GADL1: variants seen among roughly 807,000 people sequenced by gnomAD.
GADL1 encodes the protein acidic amino acid decarboxylase GADL1.
A neutral mutation model predicts 69.5 loss-of-function variants in GADL1; 71 were observed. That is an observed-to-expected ratio of 1.02 (90% CI 0.84 to 1.25). GADL1 has a LOEUF of 1.25. GADL1 is among the 50% of genes most tolerant of loss of function. The pLI is 0.00. For synonymous variants in GADL1, 254 were observed against 214.4 expected, an observed-to-expected ratio of 1.18 and a Z score of -1.62; for missense variants, 737 against 631.8, an observed-to-expected ratio of 1.17 and a Z score of -1.79.
chr3:30,753,933 G>T (rs1204386494), intron 14 of GADL1, among the ~76,000 whole-genome samples: 7 of 152,052 alleles, frequency 4.6e-5, no homozygotes, highest in African/African-American at 1.7e-4. Context: ...GGAAGCAATT[G>T]CCTAAAATGA....
intron 14 of GADL1, among the ~76,000 whole-genome samples, chr3:30,744,940 G>A (rs949752247): frequency 4.6e-5 from 7 of 152,154 alleles, no homozygotes; most frequent in African/African-American, 4.8e-5. Context: ...AGCGGCGAAC[G>A]AAATCTAAAT....
chr3:30,771,799 ATTAAT>A (rs1696425571), intron 14 of GADL1, among the ~76,000 whole-genome samples: 1 of 152,132 alleles, frequency 6.6e-6, no homozygotes, highest in Non-Finnish European at 1.5e-5. Flanking sequence ...ACAGCTTTCA[ATTAAT>A]TTGTGAACAT....
chr3:30,841,577 G>T (rs1234881438), intron 8 of GADL1, among the ~76,000 whole-genome samples: 1 of 152,152 alleles, frequency 6.6e-6, no homozygotes, highest in Non-Finnish European at 1.5e-5. Flanking sequence ...ATCCTGTCTT[G>T]CCTGTGCAGT....
intron 12 of GADL1, among the ~76,000 whole-genome samples, chr3:30,786,937 AAC>A (rs1489399317): frequency 1.3e-5 from 2 of 152,288 alleles, no homozygotes; most frequent in African/African-American, 4.8e-5. Context: ...TCAGCAAACT[AAC>A]ACAGAAACAG....
intron 14 of GADL1, among the ~76,000 whole-genome samples, chr3:30,768,976 C>T (rs1393962413): frequency 6.6e-6 from 1 of 152,122 alleles, no homozygotes; most frequent in East Asian, 1.9e-4. Flanking sequence ...TTCCTTTCAG[C>T]CCAGGGGTCT....
intron 14 of GADL1, among the ~76,000 whole-genome samples, chr3:30,748,267 A>G (rs913307211): frequency 6.6e-6 from 1 of 152,174 alleles, no homozygotes; most frequent in Non-Finnish European, 1.5e-5. Context: ...TTCATTTAAC[A>G]TTTCCTTTAG....
chr3:30,892,383 C>G (rs1309333918), intron 1 of GADL1, among the ~76,000 whole-genome samples: 1 of 152,162 alleles, frequency 6.6e-6, no homozygotes, highest in East Asian at 1.9e-4. Context: ...CTTAGTCTGA[C>G]AGATAGTTGT....
At chr3:30,774,690 C>A (rs1696493358) in intron 14 of GADL1, among the ~76,000 whole-genome samples, 1 of 151,956 alleles carries the variant, frequency 6.6e-6, no homozygotes, top group African/African-American at 2.4e-5. Context: ...CTTATGTTGC[C>A]TTTTACAAAA....
rs1405610398 is a variant in GADL1 at position 30,850,907 on chromosome 3, C to T, written c.463G>A (p.Val155Met). The T allele has an allele frequency of 6.5e-7, 1 of 1,549,722 alleles. No homozygotes were observed. The highest frequency in any genetic ancestry group is 8.7e-7 in the Non-Finnish European group (1 of 1,145,368). The change falls in exon 5 of 15, where the codon GTG (valine) becomes ATG (methionine). Residue 155 changes from valine (V) to methionine (M), a missense_variant. Val to Met is a conservative substitution (Grantham distance 21). Coordinates refer to ENST00000282538, the MANE Select transcript of GADL1 (RefSeq NM_207359.3). ...TYEVSPVFLL[V>M]EEAVLKKMIE... ...ATTTTCTTCAGAACCGCTTCTTCCA[C>T]TAACAGAAACACTGGGGACACCTCA... is the stretch of plus-strand genomic sequence containing the variant.
intron 14 of GADL1, among the ~76,000 whole-genome samples, chr3:30,752,658 C>T (rs955853625): frequency 2.6e-5 from 4 of 152,152 alleles, no homozygotes; most frequent in Admixed American, 2.0e-4. Flanking sequence ...CTGGAGCATA[C>T]TTCATAGCAC....
At chr3:30,869,638 T>TA (rs1412564025) in intron 1 of GADL1, among the ~76,000 whole-genome samples, 37 of 151,902 alleles carry the variant, frequency 2.4e-4, no homozygotes, top group Admixed American at 1.1e-3. Flanking sequence ...TATTTTATTT[T>TA]TTTTTGAAAA....
chr3:30,830,192 C>CTG (rs1697764408), intron 11 of GADL1, among the ~76,000 whole-genome samples: 1 of 151,832 alleles, frequency 6.6e-6, no homozygotes. Context: ...GAACCTCATT[C>CTG]TGGAGGGGTC....
chr3:30,886,766 ATTG>A (rs1355751333), intron 1 of GADL1, among the ~76,000 whole-genome samples: 1 of 152,188 alleles, frequency 6.6e-6, no homozygotes, highest in African/African-American at 2.4e-5. Flanking sequence ...CCCAATCTAT[ATTG>A]TTGTGTGCAA....
At chr3:30,752,383 C>CA (rs940897570) in intron 14 of GADL1, among the ~76,000 whole-genome samples, 3 of 151,594 alleles carry the variant, frequency 2.0e-5, no homozygotes, top group Non-Finnish European at 2.9e-5. Flanking sequence ...GTGCACCTTG[C>CA]ATGGAGATAG....
intron 6 of GADL1, among the ~76,000 whole-genome samples, chr3:30,847,821 A>C (rs1266203849): frequency 6.6e-6 from 1 of 152,186 alleles, no homozygotes. Context: ...TCACAACTAC[A>C]TAAGGTTTCA....
In GADL1 at chr3:30,822,325, G is replaced by A. The variant is rs534476669; in HGVS notation, c.1050+11528C>T. Among the ~76,000 whole-genome samples, 6 of 152,146 alleles carry A rather than the reference G, an allele frequency of 3.9e-5. No homozygotes were observed. In the South Asian group the frequency reaches 1.2e-3, roughly 32 times the overall value. On this transcript the variant is annotated intron_variant, in intron 11 of 14. Coordinates refer to ENST00000282538, the MANE Select transcript of GADL1 (RefSeq NM_207359.3). The stretch of plus-strand genomic sequence containing the variant: ...TGAGGGAGGAGGTGTTGCAAATTTT[G>A]TTATAGGAGGAAAGCTTCTAAAAAC...
At chr3:30,752,818 CAA>C (rs762932193) in intron 14 of GADL1, among the ~76,000 whole-genome samples, 2 of 104,222 alleles carry the variant, frequency 1.9e-5, no homozygotes, top group Non-Finnish European at 3.5e-5. Context: ...TGCTGGAAGA[CAA>C]GAGTTTTCTA....
At chr3:30,757,885 ATC>A (rs1004417026) in intron 14 of GADL1, among the ~76,000 whole-genome samples, 3 of 152,202 alleles carry the variant, frequency 2.0e-5, no homozygotes, top group East Asian at 1.9e-4. Context: ...CAAAAGGAAT[ATC>A]TGAGCTTAAG....
chr3:30,846,328 A>T (rs1273645534), intron 6 of GADL1, among the ~76,000 whole-genome samples: 1 of 152,142 alleles, frequency 6.6e-6, no homozygotes, highest in Non-Finnish European at 1.5e-5. Context: ...GACGAAAAAA[A>T]CTCTCAGCGG....
Sources: allele counts gnomAD v4.1 joint callset (sites outside exome capture counted in the v4.1 genomes callset), GRCh38; gene constraint gnomAD v4.1.1; transcripts MANE v1.5; gene names NCBI Gene and HGNC (gene_info 2026-07-23, HGNC 2026-07-21).